Variants in SPG21 observed in about 807,000 individuals in gnomAD.
SPG21 encodes SPG21 abhydrolase domain containing, maspardin.
Under a neutral mutation model 38.9 loss-of-function variants are expected in SPG21, and 26 were observed. That is an observed-to-expected ratio of 0.67 (90% CI 0.49 to 0.93). The LOEUF (loss-of-function observed/expected upper bound fraction) is 0.93. Among genes scored for constraint, SPG21 ranks in the 40% least tolerant of loss-of-function variants. SPG21 has a pLI of 0.00. For synonymous variants in SPG21, 136 were observed against 128.9 expected (o/e 1.05, Z -0.37); for missense variants, 333 against 376.5 (o/e 0.88, Z 0.96).
intron 7 of SPG21, among the ~76,000 whole-genome samples, chr15:64,967,563 G>A (rs892623016): frequency 1.3e-4 from 19 of 150,876 alleles, no homozygotes; most frequent in African/African-American, 3.7e-4. Context: ...AACCTCCACC[G>A]CCCAGATTCA....
chr15:64,963,453 G>A lies in SPG21; in HGVS notation c.*167C>T, dbSNP rs2085486174. The A allele has an allele frequency of 6.1e-6, 4 of 654,614 alleles. No individual in the cohort carries two copies. Among genetic ancestry groups the A allele is most frequent in the Non-Finnish European group, 1.1e-5 (4 of 364,036 alleles). The allele number at this position is 654,614 out of a possible 1,614,324, so 40.6% of individuals were successfully genotyped here. A position where few individuals can be genotyped will look rare whatever the true frequency, so the allele number is the denominator to read the frequency against. ...AAGAGGGAACAGTTACACAGGCTTAGTGGAGATGCCGCCTGTCATGAAGAT... is the reference window on the plus strand; with the variant it reads ...AAGAGGGAACAGTTACACAGGCTTAATGGAGATGCCGCCTGTCATGAAGAT... On this transcript the variant is annotated 3_prime_UTR_variant, in exon 9 of 9. Transcript: ENST00000204566.
intron 3 of SPG21, among the ~76,000 whole-genome samples, chr15:64,978,092 A>G (rs1046339509): frequency 9.3e-5 from 14 of 150,368 alleles, no homozygotes; most frequent in African/African-American, 3.2e-4. Flanking sequence ...CGGCCTCCCA[A>G]AGTGCTGGGA....
chr15:64,965,183 C>T, intron 8 of SPG21, 137 bp downstream of exon 8: 1 of 1,210,280 alleles, frequency 8.3e-7, no homozygotes, highest in Non-Finnish European at 1.2e-6. Flanking sequence ...ATGTAAACCA[C>T]TTTTATCAAG....
chr15:64,964,814 A>G (rs766129309), intron 8 of SPG21, among the ~76,000 whole-genome samples: 1 of 151,886 alleles, frequency 6.6e-6, no homozygotes, highest in African/African-American at 2.4e-5. Context: ...TTGTATTTTT[A>G]GTAGAGACGG....
rs1293934545 is a variant in SPG21, at chr15:64,963,031, T to C, written c.*589A>G. On this transcript the variant is annotated 3_prime_UTR_variant, in exon 9 of 9. Coordinates refer to ENST00000204566, the MANE Select transcript of SPG21 (RefSeq NM_016630.7). The stretch of plus-strand genomic sequence containing the variant: ...TAATCACAAAAGCGACTCAGTTAAA[T>C]TGAATTTTTATTCCAAATGACTAAT... 1.3e-5 allele frequency: 2 copies of C among 152,698 alleles called. No individual in the cohort carries two copies. Among genetic ancestry groups the C allele is most frequent in the African/African-American group, 2.4e-5 (1 of 41,558 alleles). 9.5% of individuals were successfully genotyped at this position (152,698 alleles called of 1,614,324 possible).
Position 64,963,292 on chromosome 15 carries a change from C to A in SPG21, c.*328G>T, listed in dbSNP as rs2085484116. The stretch of plus-strand genomic sequence containing the variant: ...GAAAAGAAAAGAAGAAAAAAACCAC[C>A]ACAAAGTCCCAAACCTCAGAAATTA... On this transcript the variant is annotated 3_prime_UTR_variant, in exon 9 of 9. Coordinates refer to ENST00000204566, the MANE Select transcript of SPG21 (RefSeq NM_016630.7). 2 of 235,852 alleles carry A rather than the reference C, an allele frequency of 8.5e-6. No homozygotes were observed. Among genetic ancestry groups the A allele is most frequent in the Non-Finnish European group, 1.7e-5 (2 of 120,860 alleles). 14.6% of individuals were successfully genotyped at this position (235,852 alleles called of 1,614,324 possible). A position where few individuals can be genotyped will look rare whatever the true frequency, so the allele number is the denominator to read the frequency against.
chr15:64,984,893 G>A (rs1467186709), intron 1 of SPG21, among the ~76,000 whole-genome samples: 6 of 151,924 alleles, frequency 3.9e-5, no homozygotes, highest in Admixed American at 2.6e-4. Flanking sequence ...GGGATTACAG[G>A]CACCTGCCAC....
intron 8 of SPG21, among the ~76,000 whole-genome samples, chr15:64,965,009 C>G (rs1308494881): frequency 3.3e-5 from 5 of 152,142 alleles, no homozygotes; most frequent in Non-Finnish European, 7.3e-5. Context: ...GGTCTGGTGT[C>G]TTGCTCTGAT....
At chr15:64,967,273 T>C (rs1342581879) in intron 7 of SPG21, among the ~76,000 whole-genome samples, 6 of 151,776 alleles carry the variant, frequency 4.0e-5, no homozygotes, top group African/African-American at 1.4e-4. Context: ...AAAAATAATT[T>C]AAAAATAAAT....
chr15:64,984,890 C>T (rs1312178209), intron 1 of SPG21, among the ~76,000 whole-genome samples: 1 of 151,954 alleles, frequency 6.6e-6, no homozygotes, highest in Non-Finnish European at 1.5e-5. Flanking sequence ...GCTGGGATTA[C>T]AGGCACCTGC....
At chr15:64,988,074 T>G (rs959360597) in intron 1 of SPG21, among the ~76,000 whole-genome samples, 1 of 151,262 alleles carries the variant, frequency 6.6e-6, no homozygotes, top group Admixed American at 6.6e-5. Context: ...AAAAACAAAT[T>G]AGCTGGGCGC....
rs941467552 is a variant in SPG21 at position 64,965,877 on chromosome 15, T to C, written c.670-417A>G. On this transcript the variant is annotated intron_variant, in intron 7 of 8. Coordinates refer to ENST00000204566, the MANE Select transcript of SPG21 (RefSeq NM_016630.7). ...CCATCACGCCTGGCTAATTTTTGCA[T>C]TTTTAGTAGAGATGGGGTTTCACCA... is the stretch of plus-strand genomic sequence containing the variant. Among the ~76,000 whole-genome samples, 14 of 152,180 alleles carry C rather than the reference T, an allele frequency of 9.2e-5. 1 individual carries two copies. Among genetic ancestry groups the C allele is most frequent in the African/African-American group, 3.4e-4 (14 of 41,522 alleles).
rs779022747 is a variant in SPG21 at position 64,963,732 on chromosome 15, T to G, written c.815A>C (p.His272Pro). ...SAEVNLYVQI[H>P]LLQFHGTKYA... ...TTTGGTTCCATGGAATTGCAGCAAA[T>G]GTATCTGTTGAAATGCAGAATCATT... Residue 272 changes from histidine (H) to proline (P), a missense_variant, in exon 9 of 9, where the codon CAT becomes CCT. Transcript: ENST00000204566. 2 of 1,613,254 alleles carry G rather than the reference T, an allele frequency of 1.2e-6. No homozygotes were observed. Among genetic ancestry groups the G allele is most frequent in the South Asian group, 1.1e-5 (1 of 91,058 alleles).
At chr15:64,975,950 G>C (rs1423626928) in intron 4 of SPG21, among the ~76,000 whole-genome samples, 2 of 152,108 alleles carry the variant, frequency 1.3e-5, no homozygotes, top group Non-Finnish European at 2.9e-5. Flanking sequence ...AGGGCTAGTA[G>C]GGGGGAAGAT....
intron 1 of SPG21, among the ~76,000 whole-genome samples, chr15:64,986,377 C>CA (rs916440033): frequency 6.8e-6 from 1 of 146,468 alleles, no homozygotes; most frequent in African/African-American, 2.5e-5. Context: ...AAAAAACAAA[C>CA]AAAAAAATTA....
In SPG21 at chr15:64,969,979, T is replaced by C. The variant is rs1179956455; in HGVS notation, c.561+135A>G. The C allele has an allele frequency of 4.9e-6, 4 of 818,482 alleles. No homozygotes were observed. The Admixed American group carries it at 5.1e-5, about 10-fold the overall frequency. 50.7% of individuals were successfully genotyped at this position (818,482 alleles called of 1,614,324 possible). On this transcript the variant is annotated intron_variant, in intron 6 of 8. Transcript: ENST00000204566. ...GTAGGCAAGCCCTTACCAGCAATAA[T>C]ATCTGCTCAGATGTATTACTCTGCT...
intron 1 of SPG21, among the ~76,000 whole-genome samples, chr15:64,987,974 C>T (rs1325004928): frequency 6.6e-6 from 1 of 152,168 alleles, no homozygotes; most frequent in Non-Finnish European, 1.5e-5. Context: ...GCAGAGGTTG[C>T]GGTGAGCCGA....
chr15:64,982,948 G>A (rs2085910153), intron 2 of SPG21: 1 of 156,802 alleles, frequency 6.4e-6, no homozygotes, highest in Non-Finnish European at 1.4e-5. Flanking sequence ...GCTTGTATAT[G>A]TAAAAGCAAT....
rs778148078 is a variant in SPG21 at position 64,980,979 on chromosome 15, G to A, written c.110C>T (p.Ala37Val). ...AGGACACCTGATACTTCGGGGGCCC[G>A]CGTCATAGAGCGACCATATCTTACT... ...DDSKIWSLYD[A>V]GPRSIRCPLI... Residue 37 changes from alanine (A) to valine (V), a missense_variant, in exon 3 of 9, where the codon GCG becomes GTG. By Grantham distance (64) the Ala-to-Val change is moderately conservative. Coordinates refer to ENST00000204566, the MANE Select transcript of SPG21 (RefSeq NM_016630.7). 1.1e-5 allele frequency: 17 copies of A among 1,613,996 alleles called. No individual in the cohort carries two copies. The highest frequency in any genetic ancestry group is 6.7e-5 in the Admixed American group (4 of 59,978).
Sources: gnomAD v4.1 joint callset for allele counts (sites outside exome capture counted in the v4.1 genomes callset) on GRCh38, gnomAD v4.1.1 for gene constraint, MANE v1.5 for transcripts, NCBI Gene and HGNC (gene_info 2026-07-23, HGNC 2026-07-21) for gene names.